The following VPS53 variants were observed in gnomAD, a reference collection of about 807,000 sequenced individuals.
VPS53 encodes VPS53 subunit of GARP complex.
In VPS53, 70 loss-of-function variants were observed where a neutral mutation model predicts 107.0. The observed-to-expected ratio is 0.65, with a 90% CI of 0.54 to 0.80. The LOEUF is 0.80. Among genes scored for constraint, VPS53 ranks in the 30% least tolerant of loss-of-function variants. VPS53 has a pLI of 0.00. For missense variants in VPS53, 917 were observed against 1,049.4 expected, an observed-to-expected ratio of 0.87 and a Z score of 1.74; for synonymous variants, 409 against 393.3, an observed-to-expected ratio of 1.04 and a Z score of -0.47.
chr17:699,227 T>G (rs1973105898), intron 3 of VPS53, 104 bp downstream of exon 3: 1 of 862,836 alleles, frequency 1.2e-6, no homozygotes, highest in Non-Finnish European at 1.7e-6. Context: ...TATGGCAAAC[T>G]TGAGATTTCA....
At chr17:660,508 C>T (rs1192339482) in intron 5 of VPS53, among the ~76,000 whole-genome samples, 1 of 152,178 alleles carries the variant, frequency 6.6e-6, no homozygotes, top group East Asian at 1.9e-4. Context: ...GAAGCATACT[C>T]CAGAACACAG....
chr17:545,326 C>A (rs570977046), intron 17 of VPS53, among the ~76,000 whole-genome samples: 1 of 152,282 alleles, frequency 6.6e-6, no homozygotes, highest in African/African-American at 2.4e-5. Flanking sequence ...GGGCCACACC[C>A]CCGCGGGCTC....
At chr17:695,142 A>G (rs1488802096) in intron 4 of VPS53, among the ~76,000 whole-genome samples, 2 of 152,234 alleles carry the variant, frequency 1.3e-5, no homozygotes, top group African/African-American at 4.8e-5. Flanking sequence ...GGGAGACCCC[A>G]AAAGCCAAAT....
In VPS53 at chr17:688,445, G is replaced by A. The variant is rs117933295; in HGVS notation, c.285+8973C>T. Reference sequence around the variant, plus strand: ...ACCTCTTTCCTTTATAAATTACCCCGTCTAAGGTATTTCTTCATAGCAGTG... The same window carrying A: ...ACCTCTTTCCTTTATAAATTACCCCATCTAAGGTATTTCTTCATAGCAGTG... On this transcript the variant is annotated intron_variant, in intron 4 of 21. Coordinates refer to ENST00000437048, the MANE Select transcript of VPS53 (RefSeq NM_001128159.3). 1.4e-3 allele frequency among the ~76,000 whole-genome samples: 216 copies of A among 152,192 alleles called. 10 individuals are homozygous for A. In the East Asian group the frequency reaches 0.035, roughly 25 times the overall value.
intron 11 of VPS53, among the ~76,000 whole-genome samples, chr17:604,540 G>C (rs1023561324): frequency 3.3e-5 from 5 of 152,326 alleles, no homozygotes; most frequent in African/African-American, 7.2e-5. Flanking sequence ...ATCTGGGATA[G>C]AGTGAGCATG....
At chr17:691,460 G>C (rs189946545) in intron 4 of VPS53, among the ~76,000 whole-genome samples, 7 of 152,208 alleles carry the variant, frequency 4.6e-5, no homozygotes. Flanking sequence ...CTGGGTGGAA[G>C]ATTGTACTAC....
chr17:578,997 C>T (rs375596559), intron 13 of VPS53, among the ~76,000 whole-genome samples: 1 of 150,708 alleles, frequency 6.6e-6, no homozygotes, highest in Non-Finnish European at 1.5e-5. Flanking sequence ...GAACCCCCAA[C>T]AGAATCTCAG....
chr17:640,923 C>T (rs989579155), intron 7 of VPS53, among the ~76,000 whole-genome samples: 4 of 152,010 alleles, frequency 2.6e-5, no homozygotes, highest in African/African-American at 4.8e-5. Context: ...GGGATAATCT[C>T]GGCTCACTGC....
chr17:624,655 A>T (rs1969613435), intron 10 of VPS53, among the ~76,000 whole-genome samples: 1 of 152,256 alleles, frequency 6.6e-6, no homozygotes, highest in South Asian at 2.1e-4. Flanking sequence ...CAACAATGGC[A>T]GGTACTGGCG....
chr17:597,512 T>G (rs1249275843), intron 12 of VPS53, among the ~76,000 whole-genome samples: 1 of 152,148 alleles, frequency 6.6e-6, no homozygotes, highest in Non-Finnish European at 1.5e-5. Flanking sequence ...TAATAGCCCA[T>G]GAAATGGTGG....
At chr17:624,951 C>G (rs1405826798) in intron 10 of VPS53, among the ~76,000 whole-genome samples, 12 of 141,082 alleles carry the variant, frequency 8.5e-5, no homozygotes, top group Admixed American at 7.2e-4. Context: ...CTCCCTCCCT[C>G]CCTCCCTTCC....
At chr17:592,969 C>T (rs1271983306) in intron 12 of VPS53, among the ~76,000 whole-genome samples, 1 of 152,018 alleles carries the variant, frequency 6.6e-6, no homozygotes, top group Non-Finnish European at 1.5e-5. Flanking sequence ...CTGGATAGAT[C>T]AATGGAACAG....
intron 11 of VPS53, among the ~76,000 whole-genome samples, chr17:621,030 T>C (rs942732944): frequency 6.6e-6 from 1 of 152,204 alleles, no homozygotes; most frequent in Non-Finnish European, 1.5e-5. Flanking sequence ...AATGCATTTG[T>C]ATAAGAAAAT....
Position 562,566 on chromosome 17 carries a change from G to T in VPS53, c.1493C>A (p.Thr498Asn). The T allele has an allele frequency of 6.2e-7, 1 of 1,613,988 alleles. No individual in the cohort carries two copies. The change falls in exon 14 of 22, where the codon ACC becomes AAC. Residue 498 changes from threonine (T) to asparagine (N), a missense_variant. Coordinates refer to ENST00000437048, the MANE Select transcript of VPS53 (RefSeq NM_001128159.3). The part of the protein sequence containing the change: ...LSTGEPMIAL[T>N]TIFQKYLREY... ...TCGGAGGTACTTCTGGAAAATGGTG[G>T]TCAGGGCGATCATGGGCTCCCCAGT... is the stretch of plus-strand genomic sequence containing the variant.
At chr17:589,366 T>C (rs556714250) in intron 12 of VPS53, among the ~76,000 whole-genome samples, 5 of 152,258 alleles carry the variant, frequency 3.3e-5, no homozygotes, top group African/African-American at 1.2e-4. Context: ...GATTACTGTA[T>C]GGATGTTAAA....
chr17:603,800 CT>C (rs1186498292), intron 11 of VPS53, among the ~76,000 whole-genome samples: 3 of 152,158 alleles, frequency 2.0e-5, no homozygotes. Context: ...CTTGAGTTGT[CT>C]TCTTAAGGGC....
chr17:714,574 T>C, intron 1 of VPS53, 49 bp downstream of exon 1: 2 of 1,533,930 alleles, frequency 1.3e-6, no homozygotes, highest in Non-Finnish European at 1.8e-6. Context: ...GGAGCTGCCG[T>C]CTCCCCTCCC....
At chr17:551,633 CTTTT>C (rs34842319) in intron 17 of VPS53, 2 of 268,588 alleles carry the variant, frequency 7.4e-6, no homozygotes, top group Non-Finnish European at 1.4e-5. Flanking sequence ...TACTTCGTCT[CTTTT>C]TTTTTTGCCA....
At position 509,523 on chromosome 17, in the gene VPS53, A is replaced by G. The variant is rs1907804984; in HGVS notation, c.*9605T>C. 6.6e-6 allele frequency: 1 copy of G among 150,388 alleles called. No individual in the cohort carries two copies. The highest frequency in any genetic ancestry group is 2.7e-5 in the African/African-American group (1 of 37,528). The allele number at this position is 150,388 out of a possible 1,614,324, so 9.3% of individuals were successfully genotyped here. On this transcript the variant is annotated 3_prime_UTR_variant, in exon 22 of 22. Coordinates refer to ENST00000437048, the MANE Select transcript of VPS53 (RefSeq NM_001128159.3). The stretch of plus-strand genomic sequence containing the variant: ...TGACCCCTTACTAGTCACATATCAA[A>G]TCCTGGCTCGCCCCTCAGTAGCCAC...
Sources: gnomAD v4.1 joint callset for allele counts (sites outside exome capture counted in the v4.1 genomes callset) on GRCh38, gnomAD v4.1.1 for gene constraint, MANE v1.5 for transcripts, NCBI Gene and HGNC (gene_info 2026-07-23, HGNC 2026-07-21) for gene names.